Variants in CLASP1 observed in about 807,000 individuals in gnomAD.
The protein encoded by CLASP1 is CLIP-associating protein 1.
A neutral mutation model predicts 192.3 loss-of-function variants in CLASP1; 38 were observed. The ratio of observed to expected loss-of-function variants is 0.20; its 90% CI spans 0.15 to 0.26. The LOEUF is 0.26. CLASP1 is among the 10% of genes least tolerant of loss of function. CLASP1 has a pLI of 1.00. For synonymous variants in CLASP1, 691 were observed against 712.8 expected (o/e 0.97, Z 0.49); for missense variants, 1,433 against 1,932.5 (o/e 0.74, Z 4.85).
chr2:121,342,123 G>T (rs1057159868), intron 39 of CLASP1, among the ~76,000 whole-genome samples: 1 of 151,698 alleles, frequency 6.6e-6, no homozygotes, highest in South Asian at 2.1e-4. Flanking sequence ...TTTAAAAAAA[G>T]AATTTTTTTT....
chr2:121,506,637 C>A (rs1186303224), intron 7 of CLASP1, among the ~76,000 whole-genome samples: 1 of 152,116 alleles, frequency 6.6e-6, no homozygotes, highest in Non-Finnish European at 1.5e-5. Context: ...ACCCCTGAAG[C>A]CTCTAATGTC....
At chr2:121,536,034 T>C (rs2095057882) in intron 2 of CLASP1, among the ~76,000 whole-genome samples, 1 of 151,824 alleles carries the variant, frequency 6.6e-6, no homozygotes, top group Non-Finnish European at 1.5e-5. Context: ...TGTATACTGC[T>C]GGTGAAGTGT....
At chr2:121,536,580 A>G (rs2095087545) in intron 2 of CLASP1, among the ~76,000 whole-genome samples, 1 of 152,144 alleles carries the variant, frequency 6.6e-6, no homozygotes, top group African/African-American at 2.4e-5. Flanking sequence ...TGGATATACA[A>G]AATGGAGTCT....
chr2:121,600,587 T>C (rs1215098818), intron 2 of CLASP1, among the ~76,000 whole-genome samples: 8 of 152,232 alleles, frequency 5.3e-5, no homozygotes, highest in Non-Finnish European at 1.0e-4. Context: ...CTTTAGGCAG[T>C]GTTACTACTT....
At chr2:121,409,162 C>G (rs559278500) in intron 24 of CLASP1, 71 of 800,826 alleles carry the variant, frequency 8.9e-5, no homozygotes, top group Non-Finnish European at 1.4e-4. Flanking sequence ...CTTAGCAAAC[C>G]AAAAATACAG....
intron 2 of CLASP1, chr2:121,531,085 A>G (rs964187448): frequency 1.0e-5 from 7 of 670,910 alleles, no homozygotes; most frequent in Admixed American, 8.3e-5. Flanking sequence ...TGGTTAAACC[A>G]GTAGAGGGTG....
rs1559420783 is a variant in CLASP1, at chr2:121,491,893, G to GCATATAAATATTA, written c.712+11273_712+11274insTAATATTTATATG. On this transcript the variant is annotated intron_variant, in intron 8 of 39. Transcript: ENST00000263710. The stretch of plus-strand genomic sequence containing the variant: ...TTTCATATAAATATTAAGCATCAGA[G>GCATATAAATATTA]AACAACATAATTTTGAACATCTGAA... Among the ~76,000 whole-genome samples, 3 of 152,132 alleles carry GCATATAAATATTA rather than the reference G, an allele frequency of 2.0e-5. No individual in the cohort carries two copies. The South Asian group carries it at 6.2e-4, about 31-fold the overall frequency.
chr2:121,540,618 T>C (rs936203830), intron 2 of CLASP1, among the ~76,000 whole-genome samples: 10 of 151,690 alleles, frequency 6.6e-5, no homozygotes, highest in African/African-American at 9.7e-5. Context: ...GAAACCCCGT[T>C]TCTACTAAAA....
intron 2 of CLASP1, among the ~76,000 whole-genome samples, chr2:121,560,655 C>T (rs532766599): frequency 7.9e-5 from 12 of 152,300 alleles, no homozygotes; most frequent in African/African-American, 1.7e-4. Context: ...CACATCAGTA[C>T]CAGGCATTTC....
At chr2:121,432,091 C>G (rs1296340243) in intron 19 of CLASP1, among the ~76,000 whole-genome samples, 1 of 152,068 alleles carries the variant, frequency 6.6e-6, no homozygotes, top group African/African-American at 2.4e-5. Context: ...CATCACAATA[C>G]TGTGATTAGC....
chr2:121,531,100 A>AGACGCGTG (rs1213018465), intron 2 of CLASP1: 6 of 650,012 alleles, frequency 9.2e-6, no homozygotes, highest in Non-Finnish European at 1.7e-5. Context: ...AGGGTGCACA[A>AGACGCGTG]GACGCGTGGT....
At chr2:121,370,359 T>C (rs967832417) in intron 34 of CLASP1, among the ~76,000 whole-genome samples, 2 of 152,228 alleles carry the variant, frequency 1.3e-5, no homozygotes, top group African/African-American at 4.8e-5. Context: ...AGTTTCACTC[T>C]TGTCGCCCAG....
At chr2:121,345,633 G>C (rs1177434290) in intron 39 of CLASP1, among the ~76,000 whole-genome samples, 1 of 152,206 alleles carries the variant, frequency 6.6e-6, no homozygotes, top group Non-Finnish European at 1.5e-5. Flanking sequence ...GATCTGATGA[G>C]GAGCCTGTGC....
chr2:121,382,287 G>A (rs1485786018), exon 33 of CLASP1: 4 of 1,597,694 alleles, frequency 2.5e-6, no homozygotes, highest in Non-Finnish European at 3.4e-6. Context: ...GGAGGTGGGT[G>A]CTTCGCTAAC....
intron 2 of CLASP1, among the ~76,000 whole-genome samples, chr2:121,598,006 C>T (rs2063341236): frequency 6.6e-6 from 1 of 152,184 alleles, no homozygotes; most frequent in Non-Finnish European, 1.5e-5. Flanking sequence ...GAACCTATCC[C>T]CACCACTTTT....
chr2:121,463,031 TCA>T (rs1462652876), intron 9 of CLASP1, among the ~76,000 whole-genome samples: 3 of 152,308 alleles, frequency 2.0e-5, no homozygotes, highest in East Asian at 1.9e-4. Flanking sequence ...CTAAATAATT[TCA>T]CAGTTTTATT....
At chr2:121,422,719 T>C (rs2149585710) in intron 22 of CLASP1, among the ~76,000 whole-genome samples, 1 of 152,250 alleles carries the variant, frequency 6.6e-6, no homozygotes, top group South Asian at 2.1e-4. Context: ...AAGAAGAGCC[T>C]TGGCATCAGT....
chr2:121,643,328 A>C (rs1450238745), intron 1 of CLASP1, among the ~76,000 whole-genome samples: 1 of 152,238 alleles, frequency 6.6e-6, no homozygotes, highest in African/African-American at 2.4e-5. Context: ...AAAAGACTAG[A>C]AGACTTCAAA....
chr2:121,481,919 C>T (rs960588396), intron 8 of CLASP1, among the ~76,000 whole-genome samples: 34 of 152,186 alleles, frequency 2.2e-4, no homozygotes, highest in Admixed American at 2.1e-3. Context: ...GGAACACACA[C>T]AATCAACAGC....
Sources: allele counts gnomAD v4.1 joint callset (sites outside exome capture counted in the v4.1 genomes callset), GRCh38; gene constraint gnomAD v4.1.1; transcripts MANE v1.5; gene names NCBI Gene and HGNC (gene_info 2026-07-23, HGNC 2026-07-21).